PTPRA: variants seen among roughly 807,000 people sequenced by gnomAD.
The protein encoded by PTPRA is protein tyrosine phosphatase receptor type A.
In PTPRA, 25 loss-of-function variants were observed where a neutral mutation model predicts 104.8. The observed-to-expected ratio is 0.24, with a 90% CI of 0.17 to 0.33. PTPRA has a LOEUF of 0.33. Among genes scored for constraint, PTPRA ranks in the 10% least tolerant of loss-of-function variants. The pLI is 1.00. For synonymous variants in PTPRA, 323 were observed against 368.9 expected (o/e 0.88, Z 1.43); for missense variants, 765 against 1,015.3 (o/e 0.75, Z 3.35).
Position 3,019,151 on chromosome 20 carries a change from G to C in PTPRA, c.1041+1238G>C, listed in dbSNP as rs1280382120. 3.4e-5 allele frequency among the ~76,000 whole-genome samples: 5 copies of C among 145,556 alleles called. No homozygotes were observed. The East Asian group carries it at 1.1e-3, about 31-fold the overall frequency. The stretch of plus-strand genomic sequence containing the variant: ...TGGACGGGGCGGCTGGCCGGGCGGG[G>C]GGCTGATCCCCCAACCTCCCTCCCG... On this transcript the variant is annotated intron_variant, in intron 13 of 23. Transcript: ENST00000399903.
chr20:3,037,430 A>G lies in PTPRA; in HGVS notation c.2334+141A>G. 7.6e-7 allele frequency: 1 copy of G among 1,324,218 alleles called. No homozygotes were observed. The highest frequency in any genetic ancestry group is 1.0e-6 in the Non-Finnish European group (1 of 971,742). 82.0% of individuals were successfully genotyped at this position (1,324,218 alleles called of 1,614,324 possible). ...GCCCTTGCCCTCCCAAGGTGCCCCA[A>G]ATACACAGGAAACATTGGGAGGCAG... On this transcript the variant is annotated intron_variant, in intron 23 of 23. Transcript: ENST00000399903. This position sits in a 1 kb window ranked among gnomAD's most constrained non-coding sequence, Gnocchi z 4.3.
chr20:2,996,457 T>C (rs1161739040), intron 9 of PTPRA, among the ~76,000 whole-genome samples: 1 of 152,200 alleles, frequency 6.6e-6, no homozygotes, highest in Non-Finnish European at 1.5e-5. Context: ...AACCATCAGA[T>C]GGGGAAGGCC....
rs2065845448 is a variant in PTPRA at position 3,037,262 on chromosome 20, A to G, written c.2307A>G (p.Leu769=). The change falls in exon 23 of 24, where the codon CTA becomes CTG. Residue 769 remains leucine, a synonymous_variant. Transcript: ENST00000399903. The surrounding 1 kb of genome is among the most constrained non-coding windows in gnomAD (Gnocchi z 4.3). ...DVFQTVKSLR[L]QRPHMVQTLE... ...TCCAGACTGTCAAGAGCCTGCGGCT[A>G]CAGAGGCCACACATGGTCCAGACAC... 1.2e-6 allele frequency: 2 copies of G among 1,614,226 alleles called. No individual in the cohort carries two copies. The highest frequency in any genetic ancestry group is 2.2e-5 in the East Asian group (1 of 44,882).
chr20:3,027,877 G>A (rs1681644076), intron 20 of PTPRA, 36 bp downstream of exon 20: 1 of 1,609,278 alleles, frequency 6.2e-7, no homozygotes, highest in Admixed American at 1.7e-5. Flanking sequence ...GAGAGACAGA[G>A]ACAGCATGAA....
chr20:2,865,166 C>T, the PTPRA span: 12 of 1,614,024 alleles, frequency 7.4e-6, no homozygotes, highest in Admixed American at 3.3e-5. This position sits in a 1 kb window ranked among gnomAD's most constrained non-coding sequence, Gnocchi z 5.2. Context: ...GGATCAAATG[C>T]GGCTCCTACG....
Position 2,965,161 on chromosome 20 carries a change from C to T in PTPRA, c.374C>T (p.Ser125Phe), listed in dbSNP as rs2061899409. ...DARTEPWEGN[S>F]STAATTPETF... The stretch of plus-strand genomic sequence containing the variant: ...AGAACAGAACCCTGGGAGGGGAATT[C>T]CAGCACCGCAGCAACCACTCCAGAA... The change falls in exon 5 of 24, where the codon TCC becomes TTC. Residue 125 changes from serine to phenylalanine, a missense_variant. Physicochemically the swap from Ser to Phe is radical, Grantham distance 155. This residue lies in a region of PTPRA where 256 missense variants were observed against 248.9 expected (regional missense o/e 1.03). Coordinates refer to ENST00000399903, the MANE Select transcript of PTPRA (RefSeq NM_001385305.1). The T allele has an allele frequency of 1.9e-6, 3 of 1,614,110 alleles. No homozygotes were observed. In the East Asian group the frequency reaches 6.7e-5, roughly 36 times the overall value.
At chr20:3,007,760 A>G (rs918368549) in intron 11 of PTPRA, among the ~76,000 whole-genome samples, 2 of 152,178 alleles carry the variant, frequency 1.3e-5, no homozygotes, top group African/African-American at 2.4e-5. Context: ...AGAACAGGAC[A>G]AGAATACCTG....
At chr20:2,905,853 T>C (rs2059410701) in intron 1 of PTPRA, among the ~76,000 whole-genome samples, 1 of 151,794 alleles carries the variant, frequency 6.6e-6, no homozygotes, top group African/African-American at 2.4e-5. Flanking sequence ...CCTGGCTACT[T>C]TTTTGTATTT....
intron 12 of PTPRA, among the ~76,000 whole-genome samples, chr20:3,016,623 C>A (rs2064469085): frequency 6.6e-6 from 1 of 152,156 alleles, no homozygotes; most frequent in African/African-American, 2.4e-5. Context: ...ACCTGTGATC[C>A]CAGCTACTTG....
chr20:2,956,582 T>A (rs1182094067), intron 3 of PTPRA, among the ~76,000 whole-genome samples: 1 of 152,144 alleles, frequency 6.6e-6, no homozygotes, highest in South Asian at 2.1e-4. Flanking sequence ...GGCCAATTAC[T>A]CTTTATCCTT....
intron 11 of PTPRA, among the ~76,000 whole-genome samples, chr20:3,007,946 A>G (rs1355432108): frequency 6.6e-6 from 1 of 152,228 alleles, no homozygotes; most frequent in Non-Finnish European, 1.5e-5. Flanking sequence ...GAATGTTTAT[A>G]GAACAGTCTG....
At chr20:2,943,212 C>A (rs1340953941) in intron 2 of PTPRA, among the ~76,000 whole-genome samples, 1 of 92,494 alleles carries the variant, frequency 1.1e-5, no homozygotes, top group Non-Finnish European at 2.0e-5. Flanking sequence ...CATATCCCCC[C>A]ACCCCCCCCC....
intron 20 of PTPRA, among the ~76,000 whole-genome samples, chr20:3,032,194 C>G (rs530879120): frequency 2.6e-5 from 4 of 152,310 alleles, no homozygotes; most frequent in African/African-American, 9.6e-5. Flanking sequence ...TGTACCAACT[C>G]TATTCTCTCT....
intron 19 of PTPRA, 30 bp downstream of exon 19, chr20:3,027,227 C>T: frequency 1.9e-6 from 3 of 1,599,900 alleles, no homozygotes; most frequent in South Asian, 2.2e-5. Context: ...CCTGAGCCCC[C>T]AACACCCCGT....
chr20:3,018,979 G>A lies in PTPRA; in HGVS notation c.1041+1066G>A, dbSNP rs1167881688. On this transcript the variant is annotated intron_variant, in intron 13 of 23. Transcript: ENST00000399903. ...GGACGGGGCGGCTGGCCGGGCAGGGGGCTGATCCCCCAACCTCCCTCCCGG... is the reference window on the plus strand; with the variant it reads ...GGACGGGGCGGCTGGCCGGGCAGGGAGCTGATCCCCCAACCTCCCTCCCGG... Among the ~76,000 whole-genome samples, 18 of 138,696 alleles carry A rather than the reference G, an allele frequency of 1.3e-4. 3 individuals carry two copies. Among genetic ancestry groups the A allele is most frequent in the Non-Finnish European group, 2.1e-4 (13 of 63,226 alleles). 91.0% of individuals were successfully genotyped at this position (138,696 alleles called of 152,430 possible). A position where few individuals can be genotyped will look rare whatever the true frequency, so the allele number is the denominator to read the frequency against.
chr20:2,926,321 C>T (rs181663025), intron 2 of PTPRA, among the ~76,000 whole-genome samples: 6 of 152,252 alleles, frequency 3.9e-5, no homozygotes, highest in Admixed American at 2.0e-4. Flanking sequence ...GCGGGCTGTG[C>T]GGGAGAATCT....
intron 13 of PTPRA, 104 bp from the exon 14 acceptor site, chr20:3,021,205 G>C: frequency 6.7e-7 from 1 of 1,502,072 alleles, no homozygotes; most frequent in Non-Finnish European, 9.1e-7. Context: ...AGGGCCTTCT[G>C]GGGGACTTTA....
intron 9 of PTPRA, among the ~76,000 whole-genome samples, chr20:2,993,749 T>C (rs1244553586): frequency 6.6e-6 from 1 of 152,236 alleles, no homozygotes; most frequent in Admixed American, 6.5e-5. Context: ...TTACATTTGC[T>C]CTTTCTGTGA....
chr20:2,864,804 G>C, the PTPRA span: 58 of 1,172,508 alleles, frequency 4.9e-5, no homozygotes, highest in Middle Eastern at 5.5e-4. This position sits in a 1 kb window ranked among gnomAD's most constrained non-coding sequence, Gnocchi z 5.2. Context: ...CCAGGATGGG[G>C]GTTAGTGTCA....
Sources: allele counts gnomAD v4.1 joint callset (sites outside exome capture counted in the v4.1 genomes callset), GRCh38; gene constraint gnomAD v4.1.1; regional missense constraint gnomAD v4.1.1; non-coding constraint Gnocchi (gnomAD v3.1); transcripts MANE v1.5; gene names NCBI Gene and HGNC (gene_info 2026-07-23, HGNC 2026-07-21).